Variants in PDE10A observed in about 807,000 individuals in gnomAD.
PDE10A encodes phosphodiesterase 10A.
Under a neutral mutation model 97.7 loss-of-function variants are expected in PDE10A, and 39 were observed. The ratio of observed to expected loss-of-function variants is 0.40; its 90% CI spans 0.31 to 0.52. The LOEUF (loss-of-function observed/expected upper bound fraction) is 0.52, where lower values mean the gene tolerates loss of function less well. Ranked by LOEUF, PDE10A falls within the 20% of genes least tolerant of loss-of-function variation. The pLI is 0.56. For synonymous variants in PDE10A, 371 were observed against 376.8 expected (o/e 0.98, Z 0.18); for missense variants, 731 against 1,047.8 (o/e 0.70, Z 4.17).
At chr6:165,910,357 A>T (rs532937890) in intron 1 of PDE10A, among the ~76,000 whole-genome samples, 1 of 152,292 alleles carries the variant, frequency 6.6e-6, no homozygotes, top group South Asian at 2.1e-4. Context: ...TGACGAACAG[A>T]TGGGAATGTT....
intron 2 of PDE10A, among the ~76,000 whole-genome samples, chr6:165,527,789 C>T (rs759290549): frequency 5.3e-5 from 8 of 152,202 alleles, no homozygotes; most frequent in Non-Finnish European, 1.2e-4. Context: ...ATCTCCACTC[C>T]TGCCATCTGC....
At chr6:165,353,143 A>C (rs1380134365) in intron 18 of PDE10A, among the ~76,000 whole-genome samples, 1 of 152,202 alleles carries the variant, frequency 6.6e-6, no homozygotes, top group South Asian at 2.1e-4. Flanking sequence ...ATGAGATAAC[A>C]CTACACATCT....
At chr6:165,726,717 A>C (rs1054133449) in intron 1 of PDE10A, among the ~76,000 whole-genome samples, 1 of 152,332 alleles carries the variant, frequency 6.6e-6, no homozygotes, top group Non-Finnish European at 1.5e-5. Flanking sequence ...CCTGGGGCCA[A>C]GCCGGCCCTC....
At chr6:165,915,790 G>T (rs1782589456) in intron 1 of PDE10A, among the ~76,000 whole-genome samples, 1 of 152,190 alleles carries the variant, frequency 6.6e-6, no homozygotes, top group Non-Finnish European at 1.5e-5. Flanking sequence ...CACACCTCAA[G>T]GCTTCTTTAC....
At chr6:165,691,075 T>TTC (rs376093908) in intron 1 of PDE10A, among the ~76,000 whole-genome samples, 1,064 of 50,352 alleles carry the variant, frequency 0.021, 100 homozygotes, top group African/African-American at 0.12. Context: ...CTCTCTCTCT[T>TTC]TCTCTCTCTC....
intron 18 of PDE10A, among the ~76,000 whole-genome samples, chr6:165,378,880 T>C (rs908492596): frequency 1.3e-5 from 2 of 152,188 alleles, no homozygotes; most frequent in Non-Finnish European, 2.9e-5. Context: ...AGACCCTGAA[T>C]GCTGATCAAT....
At chr6:165,696,629 T>G (rs1791450689) in intron 1 of PDE10A, among the ~76,000 whole-genome samples, 1 of 152,122 alleles carries the variant, frequency 6.6e-6, no homozygotes, top group South Asian at 2.1e-4. Flanking sequence ...CTATGAGATA[T>G]GTAAGGAAAC....
At chr6:165,780,380 TAA>T (rs1242002953) in intron 1 of PDE10A, 2 of 152,236 alleles carry the variant, frequency 1.3e-5, no homozygotes, top group African/African-American at 4.8e-5. Flanking sequence ...GAACAGATAA[TAA>T]GTCTTTAATG....
At chr6:165,774,159 A>G (rs556907659) in intron 1 of PDE10A, among the ~76,000 whole-genome samples, 2 of 152,308 alleles carry the variant, frequency 1.3e-5, no homozygotes, top group East Asian at 3.9e-4. Flanking sequence ...TAAAAAGTCA[A>G]TGTAAAGTGA....
intron 1 of PDE10A, among the ~76,000 whole-genome samples, chr6:165,707,458 C>A (rs1017851770): frequency 1.3e-5 from 2 of 152,236 alleles, no homozygotes; most frequent in Non-Finnish European, 2.9e-5. Flanking sequence ...TGTTGAGAAA[C>A]CGCAGTTTTC....
chr6:165,814,912 C>A (rs545925213), intron 1 of PDE10A, among the ~76,000 whole-genome samples: 1 of 151,956 alleles, frequency 6.6e-6, no homozygotes, highest in Non-Finnish European at 1.5e-5. Flanking sequence ...AATTGACAAA[C>A]CAAATACTGA....
At chr6:165,718,934 T>A (rs1282586030) in intron 1 of PDE10A, among the ~76,000 whole-genome samples, 4 of 152,026 alleles carry the variant, frequency 2.6e-5, no homozygotes, top group Non-Finnish European at 5.9e-5. Context: ...ACTATAATAT[T>A]CTCAGAGGAA....
chr6:165,614,991 C>T (rs1241848676), intron 1 of PDE10A, among the ~76,000 whole-genome samples: 1 of 152,008 alleles, frequency 6.6e-6, no homozygotes, highest in Non-Finnish European at 1.5e-5. Context: ...GCGGGCAGAT[C>T]ACGAGGTCAG....
intron 1 of PDE10A, among the ~76,000 whole-genome samples, chr6:165,958,565 GAC>G (rs1562327312): frequency 0.018 from 176 of 9,522 alleles, 14 homozygotes; most frequent in African/African-American, 0.054. Context: ...AAGAAAGAAA[GAC>G]AGACAGAAAG....
chr6:165,566,630 T>C (rs937909612), intron 1 of PDE10A, among the ~76,000 whole-genome samples: 2 of 152,124 alleles, frequency 1.3e-5, no homozygotes, highest in African/African-American at 4.8e-5. Flanking sequence ...ATTCTGGAGA[T>C]AAAGGTGTAG....
intron 1 of PDE10A, among the ~76,000 whole-genome samples, chr6:165,748,808 T>TTGTGTGTG (rs71029562): frequency 4.9e-4 from 72 of 147,700 alleles, no homozygotes; most frequent in African/African-American, 1.3e-3. Context: ...AGAAAGAAGT[T>TTGTGTGTG]TGTGTGTGTG....
intron 1 of PDE10A, among the ~76,000 whole-genome samples, chr6:165,555,089 T>A (rs934948803): frequency 3.3e-5 from 5 of 152,084 alleles, no homozygotes; most frequent in African/African-American, 9.7e-5. Flanking sequence ...AACAAGTGAA[T>A]AAGACCTACT....
chr6:165,731,502 G>A (rs909446104), intron 1 of PDE10A, among the ~76,000 whole-genome samples: 1 of 152,336 alleles, frequency 6.6e-6, no homozygotes, highest in Middle Eastern at 3.4e-3. Context: ...AGGAACGAGA[G>A]GTGCATCTGC....
At chr6:165,881,995 G>T (rs1306629330) in intron 1 of PDE10A, among the ~76,000 whole-genome samples, 11 of 152,192 alleles carry the variant, frequency 7.2e-5, no homozygotes, top group Admixed American at 7.2e-4. Context: ...GGACATTACT[G>T]ATGGCAGCTG....
Sources: gnomAD v4.1 joint callset for allele counts (sites outside exome capture counted in the v4.1 genomes callset) on GRCh38, gnomAD v4.1.1 for gene constraint, MANE v1.5 for transcripts, NCBI Gene and HGNC (gene_info 2026-07-23, HGNC 2026-07-21) for gene names.